The following ITGA3 variants were observed in gnomAD, a reference collection of about 807,000 sequenced individuals.
ITGA3 encodes the protein integrin alpha-3.
In ITGA3, 70 loss-of-function variants were observed where a neutral mutation model predicts 131.1. The observed-to-expected ratio is 0.53, with a 90% confidence interval of 0.44 to 0.65. The LOEUF is 0.65. Among genes scored for constraint, ITGA3 ranks in the 30% least tolerant of loss-of-function variants. The pLI, the probability that ITGA3 is intolerant of heterozygous loss-of-function variation, is 0.00. For synonymous variants in ITGA3, 537 were observed against 571.6 expected, an observed-to-expected ratio of 0.94 and a Z score of 0.86; for missense variants, 1,098 against 1,388.6, an observed-to-expected ratio of 0.79 and a Z score of 3.33.
rs12951197 is a variant in ITGA3 at position 50,087,700 on chromosome 17, T to G, written c.2920-44T>G. 6 of 1,585,400 alleles carry G rather than the reference T, an allele frequency of 3.8e-6. No homozygotes were observed. The Admixed American group carries it at 8.4e-5, about 22-fold the overall frequency. On this transcript the variant is annotated intron_variant, in intron 23 of 25. Coordinates refer to ENST00000320031, the MANE Select transcript of ITGA3 (RefSeq NM_002204.4). ...AGGATAGGAAGGGTGAGGATGGGCC[T>G]AAGCAGGCTGACACAGGGCTGAGTC... is the stretch of plus-strand genomic sequence containing the variant.
chr17:50,068,619 A>G (rs1361739359), intron 4 of ITGA3, among the ~76,000 whole-genome samples: 1 of 151,034 alleles, frequency 6.6e-6, no homozygotes, highest in Non-Finnish European at 1.5e-5. Flanking sequence ...CTCCAACCTC[A>G]GCTTCTTGAG....
At chr17:50,063,842 G>A in intron 1 of ITGA3, 1 of 547,014 alleles carries the variant, frequency 1.8e-6, no homozygotes. Flanking sequence ...CTCCATCACT[G>A]CCCCCTCAGC....
At chr17:50,063,202 A>G (rs996916050) in intron 1 of ITGA3, among the ~76,000 whole-genome samples, 1 of 152,084 alleles carries the variant, frequency 6.6e-6, no homozygotes, top group African/African-American at 2.4e-5. Flanking sequence ...CCAAAGATGG[A>G]TTCTGGGCAG....
chr17:50,081,032 C>A, intron 22 of ITGA3: 1 of 407,444 alleles, frequency 2.5e-6, no homozygotes, highest in Non-Finnish European at 4.5e-6. Flanking sequence ...ACAGCAGGTG[C>A]CAGTCCAGAT....
In ITGA3 at chr17:50,080,336, G is replaced by T; in HGVS notation, c.2781G>T (p.Val927=). The T allele has an allele frequency of 6.2e-7, 1 of 1,613,520 alleles. No individual in the cohort carries two copies. Among genetic ancestry groups the T allele is most frequent in the Non-Finnish European group, 8.5e-7 (1 of 1,179,808 alleles). The change falls in exon 22 of 26, where the codon GTG becomes GTT. Residue 927 remains valine (V), a synonymous_variant. Transcript: ENST00000320031. ...CTGATGCCCCCGTTGTCACCAACGT[G>T]ACTGTGAAGGCACGAGTGTGGAACA... ...PIPDAPVVTN[V]TVKARVWNST... is the part of the protein sequence containing the mutation.
intron 1 of ITGA3, among the ~76,000 whole-genome samples, chr17:50,062,753 C>G (rs1908152160): frequency 6.6e-6 from 1 of 152,254 alleles, no homozygotes; most frequent in African/African-American, 2.4e-5. Flanking sequence ...ACAGGCGTGG[C>G]TGTTGCTTGG....
At position 50,076,427 on chromosome 17, in the gene ITGA3, C is replaced by T. The variant is rs147491290; in HGVS notation, c.1776C>T (p.Asp592=). The change falls in exon 13 of 26, where the codon GAC becomes GAT. Residue 592 remains aspartate, a synonymous_variant. Coordinates refer to ENST00000320031, the MANE Select transcript of ITGA3 (RefSeq NM_002204.4). ...DRPRLGLRSL[D]AYPILNQAQA... is the part of the protein sequence containing the mutation. ...CCCGGCTGGGGCTGCGGTCCCTGGA[C>T]GCCTACCCGATCCTCAACCAGGCAC... 51 of 1,611,388 alleles carry T rather than the reference C, an allele frequency of 3.2e-5. No homozygotes were observed. Among genetic ancestry groups the T allele is most frequent in the Non-Finnish European group, 4.2e-5 (50 of 1,180,008 alleles).
Position 50,074,164 on chromosome 17 carries a change from G to T in ITGA3, c.1266G>T (p.Leu422=). 1.2e-6 allele frequency: 2 copies of T among 1,614,032 alleles called. No individual in the cohort carries two copies. The highest frequency in any genetic ancestry group is 8.5e-7 in the Non-Finnish European group (1 of 1,179,908). ...QPQQVIHGEK[L]GLPGLATFGY... is the part of the protein sequence containing the mutation. Reference sequence around the variant, plus strand: ...CCCAGGTAATCCATGGAGAGAAGCTGGGACTGCCTGGGTTGGCCACCTTCG... The same window carrying T: ...CCCAGGTAATCCATGGAGAGAAGCTTGGACTGCCTGGGTTGGCCACCTTCG... Residue 422 remains leucine (L), a synonymous_variant, in exon 9 of 26, where the codon CTG becomes CTT. Transcript: ENST00000320031.
At chr17:50,068,862 T>A (rs935981800) in intron 4 of ITGA3, among the ~76,000 whole-genome samples, 56 of 114,998 alleles carry the variant, frequency 4.9e-4, no homozygotes, top group African/African-American at 9.6e-4. Context: ...TTATTTATTT[T>A]TTTGAGACAG....
rs1359732373 is a variant in ITGA3 at position 50,056,256 on chromosome 17, G to T, written c.-184G>T. On this transcript the variant is annotated 5_prime_UTR_variant, in exon 1 of 26. Transcript: ENST00000320031. This position sits in a 1 kb window ranked among gnomAD's most constrained non-coding sequence, Gnocchi z 5.6. ...AGATAGACCCACGGATCTTAGGAAG[G>T]GATCCGAGAGCGCAGCTGTGAAACT... The T allele has an allele frequency of 2.1e-6, 1 of 484,958 alleles. No individual in the cohort carries two copies. Among genetic ancestry groups the T allele is most frequent in the Non-Finnish European group, 3.6e-6 (1 of 279,718 alleles). The allele number at this position is 484,958 out of a possible 1,614,324, so 30.0% of individuals were successfully genotyped here.
intron 25 of ITGA3, among the ~76,000 whole-genome samples, chr17:50,088,777 A>C (rs17702032): frequency 0.24 from 36,283 of 151,924 alleles, 4,408 homozygotes; most frequent in Non-Finnish European, 0.25. Flanking sequence ...CTCCTGAGCA[A>C]CCCTTCCAGG....
In ITGA3 at chr17:50,065,037, T is replaced by C. The variant is rs375024048; in HGVS notation, c.414+430T>C. On this transcript the variant is annotated intron_variant, in intron 3 of 25. Coordinates refer to ENST00000320031, the MANE Select transcript of ITGA3 (RefSeq NM_002204.4). ...GCTCACCCAGCTCTGGTCTGGGGGC[T>C]AATCAAATGTGTCACCTCCTGCCCA... The C allele has an allele frequency of 6.8e-4, 108 of 158,528 alleles. No homozygotes were observed. In the East Asian group the frequency reaches 0.016, roughly 23 times the overall value. The allele number at this position is 158,528 out of a possible 1,614,324, so 9.8% of individuals were successfully genotyped here. A position where few individuals can be genotyped will look rare whatever the true frequency, so the allele number is the denominator to read the frequency against.
intron 4 of ITGA3, among the ~76,000 whole-genome samples, chr17:50,070,344 C>G (rs1458972421): frequency 6.6e-6 from 1 of 152,036 alleles, no homozygotes; most frequent in African/African-American, 2.4e-5. Flanking sequence ...ATAATTTAAC[C>G]TCAAATAATT....
chr17:50,081,297 A>G lies in ITGA3; in HGVS notation c.2821-13A>G. On this transcript the variant is annotated splice_polypyrimidine_tract_variant and intron_variant, in intron 22 of 25. Transcript: ENST00000320031. The stretch of plus-strand genomic sequence containing the variant: ...TCAAGTGTTCCCCTTGACCCACCCC[A>G]CTCCCAATCCAGGATTACAGAGACT... 1.9e-6 allele frequency: 3 copies of G among 1,558,010 alleles called. No individual in the cohort carries two copies. Among genetic ancestry groups the G allele is most frequent in the African/African-American group, 1.4e-5 (1 of 73,558 alleles).
intron 10 of ITGA3, 149 bp from the exon 11 acceptor site, chr17:50,075,310 C>G: frequency 1.3e-6 from 1 of 741,578 alleles, no homozygotes; most frequent in South Asian, 1.6e-5. Flanking sequence ...GTCAGGGACA[C>G]CACAGACCTG....
chr17:50,070,968 G>A (rs1349770127), intron 5 of ITGA3, 38 bp downstream of exon 5: 1 of 1,301,198 alleles, frequency 7.7e-7, no homozygotes, highest in African/African-American at 1.5e-5. Flanking sequence ...GTGGTAGAGG[G>A]GAAGGGGGCT....
chr17:50,077,538 T>C (rs1908973062), intron 16 of ITGA3, 91 bp downstream of exon 16: 1 of 1,030,884 alleles, frequency 9.7e-7, no homozygotes, highest in Non-Finnish European at 1.5e-6. Flanking sequence ...CCTGCCTGCT[T>C]TCTGGGCTCC....
Position 50,064,766 on chromosome 17 carries a change from T to G in ITGA3, c.414+159T>G, listed in dbSNP as rs915413177. ...CTGTGGCTGTGTGTCCCTCGCTCTC[T>G]GCACTCCTGGGGAGGGGGTGAGTAT... On this transcript the variant is annotated intron_variant, in intron 3 of 25. Coordinates refer to ENST00000320031, the MANE Select transcript of ITGA3 (RefSeq NM_002204.4). The surrounding 1 kb of genome is among the most constrained non-coding windows in gnomAD (Gnocchi z 4.4). 1.2e-5 allele frequency: 7 copies of G among 593,420 alleles called. No individual in the cohort carries two copies. The highest frequency in any genetic ancestry group is 2.1e-5 in the Non-Finnish European group (7 of 339,168). 36.8% of individuals were successfully genotyped at this position (593,420 alleles called of 1,614,324 possible).
rs958743755 is a variant in ITGA3 at position 50,081,304 on chromosome 17, A to G, written c.2821-6A>G. On this transcript the variant is annotated splice_polypyrimidine_tract_variant and splice_region_variant and intron_variant, in intron 22 of 25. Coordinates refer to ENST00000320031, the MANE Select transcript of ITGA3 (RefSeq NM_002204.4). ...TTCCCCTTGACCCACCCCACTCCCA[A>G]TCCAGGATTACAGAGACTTTGACCG... 1.3e-5 allele frequency: 21 copies of G among 1,575,356 alleles called. No homozygotes were observed. The highest frequency in any genetic ancestry group is 1.6e-5 in the Non-Finnish European group (19 of 1,157,462).
Sources: allele counts gnomAD v4.1 joint callset (sites outside exome capture counted in the v4.1 genomes callset), GRCh38; gene constraint gnomAD v4.1.1; non-coding constraint Gnocchi (gnomAD v3.1); transcripts MANE v1.5; gene names NCBI Gene and HGNC (gene_info 2026-07-23, HGNC 2026-07-21).